GNAO1: variants seen among roughly 807,000 people sequenced by gnomAD.
GNAO1 encodes the protein G protein subunit alpha o1, also known as guanine nucleotide-binding protein G(o) subunit alpha.
For synonymous variants in GNAO1, 164 were observed against 180.7 expected (o/e 0.91, Z 0.74); for missense variants, 166 against 478.7 (o/e 0.35, Z 6.10).
At chr16:56,293,757 G>A (rs2037255968) in intron 3 of GNAO1, among the ~76,000 whole-genome samples, 1 of 152,126 alleles carries the variant, frequency 6.6e-6, no homozygotes, top group Non-Finnish European at 1.5e-5. Context: ...ATCAGGTTGG[G>A]GAAAGCGATG....
chr16:56,347,479 C>G, intron 6 of GNAO1: 3 of 985,576 alleles, frequency 3.0e-6, no homozygotes, highest in Non-Finnish European at 3.6e-6. Flanking sequence ...ACCCCTGACC[C>G]CACCCTGCCC....
intron 3 of GNAO1, among the ~76,000 whole-genome samples, chr16:56,324,066 G>A (rs112240276): frequency 3.9e-5 from 6 of 152,264 alleles, no homozygotes; most frequent in African/African-American, 9.6e-5. Flanking sequence ...ACCCCTCCCC[G>A]TCCCACAACA....
chr16:56,233,212 G>A (rs2036607035), intron 2 of GNAO1, among the ~76,000 whole-genome samples: 1 of 152,208 alleles, frequency 6.6e-6, no homozygotes, highest in African/African-American at 2.4e-5. Flanking sequence ...ATACAAAGCC[G>A]ATACTTACCT....
intron 3 of GNAO1, among the ~76,000 whole-genome samples, chr16:56,305,907 C>T (rs572282371): frequency 1.3e-5 from 2 of 152,268 alleles, no homozygotes; most frequent in East Asian, 3.9e-4. Flanking sequence ...TGGATTAGAA[C>T]CCATCTAATC....
At chr16:56,300,034 T>TGTGTGTGTGTGTGC (rs1555505519) in intron 3 of GNAO1, among the ~76,000 whole-genome samples, 1 of 95,090 alleles carries the variant, frequency 1.1e-5, no homozygotes, top group Non-Finnish European at 2.0e-5. Context: ...TGTGTGTGTG[T>TGTGTGTGTGTGTGC]GTGCGCGCGC....
At chr16:56,245,354 G>A (rs975401868) in intron 2 of GNAO1, among the ~76,000 whole-genome samples, 21 of 152,178 alleles carry the variant, frequency 1.4e-4, no homozygotes, top group African/African-American at 5.1e-4. Context: ...ATTCAGCTTG[G>A]CTGGGGTAAC....
At chr16:56,313,922 A>G (rs2037483777) in intron 3 of GNAO1, among the ~76,000 whole-genome samples, 1 of 151,908 alleles carries the variant, frequency 6.6e-6, no homozygotes, top group Admixed American at 6.5e-5. Flanking sequence ...ATTTTTATAG[A>G]GACGGGGTCT....
intron 2 of GNAO1, among the ~76,000 whole-genome samples, chr16:56,257,337 T>C (rs2036861202): frequency 6.6e-6 from 1 of 152,224 alleles, no homozygotes; most frequent in South Asian, 2.1e-4. Flanking sequence ...ATGCAGAAGG[T>C]GCCTTTCCTA....
intron 6 of GNAO1, among the ~76,000 whole-genome samples, chr16:56,337,401 A>G (rs2037752855): frequency 1.3e-5 from 2 of 152,144 alleles, no homozygotes; most frequent in African/African-American, 4.8e-5. Context: ...CAGGAAGGGC[A>G]ATGGGGATGA....
chr16:56,264,529 G>T (rs2036933852), intron 2 of GNAO1, among the ~76,000 whole-genome samples: 1 of 152,132 alleles, frequency 6.6e-6, no homozygotes, highest in South Asian at 2.1e-4. Context: ...CTTTGCTTCT[G>T]GCCAGAGCTA....
intron 6 of GNAO1, chr16:56,343,861 G>T (rs749685192): frequency 1.2e-6 from 2 of 1,614,054 alleles, no homozygotes; most frequent in Non-Finnish European, 8.5e-7. Context: ...CGTCACCTGC[G>T]CCACGGACAC....
intron 2 of GNAO1, among the ~76,000 whole-genome samples, chr16:56,253,718 G>C (rs951912003): frequency 2.6e-5 from 4 of 152,182 alleles, no homozygotes; most frequent in Non-Finnish European, 5.9e-5. Flanking sequence ...TGTGTAGCCA[G>C]GATTTGACCC....
chr16:56,303,225 G>A (rs1360660808), intron 3 of GNAO1, among the ~76,000 whole-genome samples: 3 of 152,306 alleles, frequency 2.0e-5, no homozygotes, highest in South Asian at 2.1e-4. Context: ...CCATGCTGGG[G>A]TGGGGTGTGC....
At chr16:56,346,250 G>A in intron 6 of GNAO1, 3 of 985,412 alleles carry the variant, frequency 3.0e-6, no homozygotes, top group Non-Finnish European at 3.6e-6. Flanking sequence ...CTTGTGGGGT[G>A]GTGACTGAGG....
chr16:56,206,618 C>T (rs1217631212), intron 2 of GNAO1, among the ~76,000 whole-genome samples: 1 of 152,156 alleles, frequency 6.6e-6, no homozygotes, highest in African/African-American at 2.4e-5. Context: ...GGTTACACTA[C>T]TGTGTATGTT....
chr16:56,280,831 A>C (rs2037107330), intron 3 of GNAO1, among the ~76,000 whole-genome samples: 1 of 152,178 alleles, frequency 6.6e-6, no homozygotes, highest in Non-Finnish European at 1.5e-5. Context: ...GTCCCCTTCC[A>C]AACCTAAGGG....
chr16:56,232,439 G>C (rs1284028188), intron 2 of GNAO1, among the ~76,000 whole-genome samples: 1 of 152,156 alleles, frequency 6.6e-6, no homozygotes, highest in African/African-American at 2.4e-5. Context: ...GAGTTGTAAG[G>C]TCAAGCAAGT....
chr16:56,354,718 AACTGCCCAGCAGTTCCT>A lies in GNAO1; in HGVS notation c.878-142_878-126del. ...AATTTAAAATGCAACTATGGCTTGGAACTGCCCAGCAGTTCCTACTGCTCCCTTCCTGTCTCATCCCA... is the reference window on the plus strand; with the variant it reads ...AATTTAAAATGCAACTATGGCTTGGAACTGCTCCCTTCCTGTCTCATCCCA... On this transcript the variant is annotated intron_variant, in intron 7 of 8. Transcript: ENST00000262493. The surrounding 1 kb of genome is among the most constrained non-coding windows in gnomAD (Gnocchi z 4.3). 1.8e-6 allele frequency: 1 copy of A among 555,726 alleles called. No individual in the cohort carries two copies. Among genetic ancestry groups the A allele is most frequent in the Non-Finnish European group, 3.2e-6 (1 of 312,864 alleles). The allele number at this position is 555,726 out of a possible 1,614,324, so 34.4% of individuals were successfully genotyped here.
intron 6 of GNAO1, among the ~76,000 whole-genome samples, chr16:56,342,374 T>C (rs1232803125): frequency 6.6e-6 from 1 of 152,190 alleles, no homozygotes; most frequent in African/African-American, 2.4e-5. Flanking sequence ...GAGCTGCGGC[T>C]CTGAACTCCA....
Sources: gnomAD v4.1 joint callset for allele counts (sites outside exome capture counted in the v4.1 genomes callset) on GRCh38, gnomAD v4.1.1 for gene constraint, Gnocchi (gnomAD v3.1) non-coding constraint, MANE v1.5 for transcripts, NCBI Gene and HGNC (gene_info 2026-07-23, HGNC 2026-07-21) for gene names.